The following STK39 variants were observed in gnomAD, a reference collection of about 807,000 sequenced individuals.
STK39 encodes the protein STE20/SPS1-related proline-alanine-rich protein kinase.
In STK39, 20 loss-of-function variants were observed where a neutral mutation model predicts 77.8. That is an observed-to-expected ratio of 0.26 (90% CI 0.18 to 0.37). The LOEUF (loss-of-function observed/expected upper bound fraction) is 0.37, where lower values mean the gene tolerates loss of function less well. Ranked by LOEUF, STK39 falls within the 10% of genes least tolerant of loss-of-function variation. The pLI, the probability that STK39 is intolerant of heterozygous loss-of-function variation, is 1.00. For missense variants in STK39, 479 were observed against 656.5 expected, an observed-to-expected ratio of 0.73 and a Z score of 2.95; for synonymous variants, 246 against 234.1, an observed-to-expected ratio of 1.05 and a Z score of -0.47.
At chr2:168,018,578 G>GAA (rs1295768617) in intron 14 of STK39, among the ~76,000 whole-genome samples, 1 of 144,390 alleles carries the variant, frequency 6.9e-6, no homozygotes, top group East Asian at 2.0e-4. Context: ...AAGAAAGAAA[G>GAA]AAAGAAAGAA....
chr2:168,030,895 A>G (rs1244985012), intron 14 of STK39, among the ~76,000 whole-genome samples: 2 of 152,254 alleles, frequency 1.3e-5, no homozygotes, highest in Admixed American at 6.5e-5. Flanking sequence ...TTGTTAATGT[A>G]TATCAGAAGG....
chr2:168,048,371 C>A (rs1263532171), intron 14 of STK39, among the ~76,000 whole-genome samples: 15 of 152,080 alleles, frequency 9.9e-5, no homozygotes, highest in African/African-American at 3.6e-4. Flanking sequence ...CGCCACCACG[C>A]CTGGCTAATT....
chr2:168,226,941 A>G (rs1044978784), intron 1 of STK39, among the ~76,000 whole-genome samples: 2 of 152,258 alleles, frequency 1.3e-5, no homozygotes, highest in Non-Finnish European at 2.9e-5. Context: ...CTGCACTCAT[A>G]GAATAGCAAT....
chr2:168,093,461 T>G (rs1194758667), intron 10 of STK39, among the ~76,000 whole-genome samples: 2 of 152,130 alleles, frequency 1.3e-5, no homozygotes, highest in African/African-American at 4.8e-5. Flanking sequence ...CTCATGAGAC[T>G]TATTCACTGT....
intron 10 of STK39, among the ~76,000 whole-genome samples, chr2:168,114,340 T>A (rs367657719): frequency 6.6e-6 from 1 of 152,354 alleles, no homozygotes; most frequent in South Asian, 2.1e-4. Flanking sequence ...AATACTTCCT[T>A]ATGCTCACTT....
intron 1 of STK39, among the ~76,000 whole-genome samples, chr2:168,239,624 G>T (rs747378422): frequency 6.6e-6 from 1 of 152,206 alleles, no homozygotes; most frequent in Non-Finnish European, 1.5e-5. Flanking sequence ...ATTTTTAGAC[G>T]TCAGGCAATG....
At chr2:167,968,563 C>T (rs748820387) in intron 16 of STK39, among the ~76,000 whole-genome samples, 1 of 152,140 alleles carries the variant, frequency 6.6e-6, no homozygotes, top group Non-Finnish European at 1.5e-5. Context: ...AACCAGTGAA[C>T]ACGGAGTCTA....
rs183850235 is a variant in STK39 at position 168,210,542 on chromosome 2, C to T, written c.209-28452G>A. ...TTTGTTGTTTTGTTTTGTTTTGAGA[C>T]GAAGTCTTGCTCTGTCGTCCAGGCA... On this transcript the variant is annotated intron_variant, in intron 1 of 17. Coordinates refer to ENST00000355999, the MANE Select transcript of STK39 (RefSeq NM_013233.3). Among the ~76,000 whole-genome samples, 20 of 152,286 alleles carry T rather than the reference C, an allele frequency of 1.3e-4. No individual in the cohort carries two copies. The East Asian group carries it at 3.3e-3, about 25-fold the overall frequency.
intron 5 of STK39, among the ~76,000 whole-genome samples, chr2:168,155,390 C>T (rs943562006): frequency 2.0e-5 from 3 of 152,082 alleles, no homozygotes; most frequent in African/African-American, 7.2e-5. Context: ...TACCATTTGT[C>T]GAGATACCAA....
At chr2:168,179,829 C>T (rs572715169) in intron 2 of STK39, among the ~76,000 whole-genome samples, 1 of 152,110 alleles carries the variant, frequency 6.6e-6, no homozygotes, top group Non-Finnish European at 1.5e-5. Context: ...GAAGCTTACA[C>T]GGTTACCATC....
chr2:168,115,924 A>C (rs1416408142), intron 10 of STK39, among the ~76,000 whole-genome samples: 3 of 152,136 alleles, frequency 2.0e-5, no homozygotes, highest in African/African-American at 7.2e-5. Context: ...ACCCCGGTTA[A>C]AGATTTTAGT....
chr2:168,228,673 T>G (rs1354484130), intron 1 of STK39, among the ~76,000 whole-genome samples: 1 of 151,886 alleles, frequency 6.6e-6, no homozygotes, highest in African/African-American at 2.4e-5. Flanking sequence ...GCCTGTAATC[T>G]CAGCTGCTTG....
chr2:168,226,410 C>A (rs1415332743), intron 1 of STK39, among the ~76,000 whole-genome samples: 4 of 152,084 alleles, frequency 2.6e-5, no homozygotes, highest in African/African-American at 4.8e-5. Flanking sequence ...TTAGTGAGTC[C>A]CTGTTCCTTA....
intron 17 of STK39, among the ~76,000 whole-genome samples, chr2:167,957,660 A>G (rs1691825365): frequency 6.6e-6 from 1 of 152,266 alleles, no homozygotes; most frequent in Non-Finnish European, 1.5e-5. Flanking sequence ...AAAAGGTCAC[A>G]TTGCCAAATG....
chr2:168,119,174 G>C (rs898391426), intron 10 of STK39, among the ~76,000 whole-genome samples: 1 of 152,178 alleles, frequency 6.6e-6, no homozygotes, highest in Admixed American at 6.5e-5. Flanking sequence ...AGTGGAGAGA[G>C]GACATGTGCA....
chr2:167,981,964 A>G (rs1254879026), intron 16 of STK39, among the ~76,000 whole-genome samples: 2 of 152,124 alleles, frequency 1.3e-5, no homozygotes, highest in Non-Finnish European at 2.9e-5. Context: ...TGGTGGGAGA[A>G]ATATTCAGTG....
chr2:168,168,990 A>T (rs1688757874), intron 2 of STK39, among the ~76,000 whole-genome samples: 1 of 152,224 alleles, frequency 6.6e-6, no homozygotes, highest in South Asian at 2.1e-4. Flanking sequence ...CTCAAAAAAA[A>T]ATTAAAAAAT....
chr2:167,988,582 C>T (rs973811661), intron 16 of STK39, among the ~76,000 whole-genome samples: 6 of 151,746 alleles, frequency 4.0e-5, no homozygotes, highest in Non-Finnish European at 7.4e-5. Flanking sequence ...TGGATGCTTC[C>T]ATGTCTTTTA....
chr2:167,985,639 G>T (rs1250341024), intron 16 of STK39, among the ~76,000 whole-genome samples: 1 of 152,032 alleles, frequency 6.6e-6, no homozygotes, highest in African/African-American at 2.4e-5. Context: ...TACTGAATTT[G>T]GTGGACACAT....
Sources: gnomAD v4.1 joint callset for allele counts (sites outside exome capture counted in the v4.1 genomes callset) on GRCh38, gnomAD v4.1.1 for gene constraint, MANE v1.5 for transcripts, NCBI Gene and HGNC (gene_info 2026-07-23, HGNC 2026-07-21) for gene names.